Variants in SYTL5 observed in about 807,000 individuals in gnomAD.
SYTL5 encodes synaptotagmin like 5, also known as synaptotagmin-like protein 5.
Under a neutral mutation model 55.9 loss-of-function variants are expected in SYTL5, and 34 were observed. That is an observed-to-expected ratio of 0.61 (90% CI 0.46 to 0.81). SYTL5 has a LOEUF of 0.81. Ranked by LOEUF, SYTL5 falls within the 30% of genes least tolerant of loss-of-function variation. The probability of loss-of-function intolerance (pLI) is 0.00; values close to 1 mark genes in which losing one functional copy is unlikely to be tolerated. For missense variants in SYTL5, 637 were observed against 546.7 expected (o/e 1.17, Z -1.65); for synonymous variants, 221 against 188.7 (o/e 1.17, Z -1.40).
intron 3 of SYTL5, among the ~76,000 whole-genome samples, chrX:38,064,632 T>A: frequency 9.0e-6 from 1 of 111,618 alleles, no homozygotes; most frequent in Middle Eastern, 4.7e-3. Flanking sequence ...TTAATACAAT[T>A]ACATCAAATT....
chrX:38,094,499 T>G, intron 8 of SYTL5, 75 bp downstream of exon 8: 2 of 1,045,235 alleles, frequency 1.9e-6, no homozygotes, highest in Non-Finnish European at 2.6e-6. Context: ...ATGTGTGGTA[T>G]TAAGTGGATG....
At chrX:38,076,471 C>T in intron 5 of SYTL5, 96 bp from the exon 6 acceptor site, 1 of 780,694 alleles carries the variant, frequency 1.3e-6, no homozygotes, top group Non-Finnish European at 1.8e-6. Flanking sequence ...TTGAAGAATC[C>T]TTTATTATTA....
the SYTL5 span, among the ~76,000 whole-genome samples, chrX:37,998,383 G>T: frequency 8.9e-6 from 1 of 112,124 alleles, no homozygotes; most frequent in Admixed American, 9.4e-5. Flanking sequence ...TCCCTCTTTG[G>T]GGCTCTGTGG....
At chrX:37,907,886 A>AATTTTTT in the SYTL5 span, among the ~76,000 whole-genome samples, 4 of 111,651 alleles carry the variant, frequency 3.6e-5, no homozygotes, top group East Asian at 5.5e-4. Flanking sequence ...TTTAATATTT[A>AATTTTTT]ATTTTTTATT....
At chrX:38,076,213 T>G (rs1228505888) in intron 5 of SYTL5, among the ~76,000 whole-genome samples, 1 of 111,959 alleles carries the variant, frequency 8.9e-6, no homozygotes, top group Non-Finnish European at 1.9e-5. Context: ...CTTCCCTCTC[T>G]GAGCAAAGGG....
chrX:38,019,290 C>T (rs1934462120), intron 1 of SYTL5, among the ~76,000 whole-genome samples: 1 of 111,949 alleles, frequency 8.9e-6, no homozygotes, highest in African/African-American at 3.2e-5. Flanking sequence ...ATGCCAAATT[C>T]CTCCCACTCT....
the SYTL5 span, among the ~76,000 whole-genome samples, chrX:37,897,424 A>G: frequency 9.6e-6 from 1 of 104,686 alleles, no homozygotes; most frequent in Non-Finnish European, 1.9e-5. Flanking sequence ...CAGAGGTTGC[A>G]GTGAGCCGAG....
intron 15 of SYTL5, among the ~76,000 whole-genome samples, chrX:38,125,074 T>C (rs1937614149): frequency 9.0e-6 from 1 of 111,671 alleles, no homozygotes; most frequent in Non-Finnish European, 1.9e-5. Flanking sequence ...GGTATTTTCT[T>C]TTCAAGATGG....
intron 2 of SYTL5, among the ~76,000 whole-genome samples, chrX:38,049,953 T>C (rs2147281624): frequency 8.9e-6 from 1 of 111,835 alleles, no homozygotes; most frequent in African/African-American, 3.2e-5. Flanking sequence ...TAAATAATTG[T>C]CTTAAGGTCT....
chrX:38,121,967 C>T, intron 14 of SYTL5, 113 bp from the exon 15 acceptor site: 1 of 751,920 alleles, frequency 1.3e-6, no homozygotes, highest in Non-Finnish European at 1.8e-6. Context: ...AATTAGTCAG[C>T]AAATGAAATA....
chrX:38,082,368 A>C (rs1936554383), intron 6 of SYTL5, among the ~76,000 whole-genome samples: 1 of 112,427 alleles, frequency 8.9e-6, no homozygotes, highest in South Asian at 3.7e-4. Context: ...CAGGGTAGCT[A>C]AGATACAATA....
intron 1 of SYTL5, among the ~76,000 whole-genome samples, chrX:38,031,999 G>T (rs781106443): frequency 3.6e-5 from 4 of 111,740 alleles, no homozygotes; most frequent in South Asian, 3.7e-4. Flanking sequence ...GCAAAGTTCT[G>T]GTTTGGTGTA....
chrX:38,103,679 G>A (rs1937137627), intron 10 of SYTL5, among the ~76,000 whole-genome samples: 1 of 110,778 alleles, frequency 9.0e-6, no homozygotes, highest in South Asian at 3.9e-4. Flanking sequence ...TGAGTAGGTT[G>A]GGGTTTATTC....
At chrX:37,902,490 C>T in the SYTL5 span, among the ~76,000 whole-genome samples, 4 of 112,090 alleles carry the variant, frequency 3.6e-5, no homozygotes, top group East Asian at 8.4e-4. Context: ...AGTGATCTGC[C>T]TTAACTCTTA....
intron 3 of SYTL5, among the ~76,000 whole-genome samples, chrX:38,070,262 G>A: frequency 9.0e-6 from 1 of 111,564 alleles, no homozygotes; most frequent in Non-Finnish European, 1.9e-5. Context: ...TTGAGATCCA[G>A]CTATTGATTT....
chrX:38,024,074 T>C (rs1934666550), intron 1 of SYTL5: 1 of 111,265 alleles, frequency 9.0e-6, no homozygotes, highest in Admixed American at 9.6e-5. Flanking sequence ...TAACTTGGTT[T>C]AACTCTACAT....
chrX:37,905,926 C>T, the SYTL5 span, among the ~76,000 whole-genome samples: 173 of 113,028 alleles, frequency 1.5e-3, no homozygotes, highest in Non-Finnish European at 2.7e-3. Context: ...CCGCGTCTCT[C>T]GAGGCACTAG....
At chrX:37,974,825 G>C in the SYTL5 span, among the ~76,000 whole-genome samples, 1 of 112,395 alleles carries the variant, frequency 8.9e-6, no homozygotes. Context: ...TTCCACTGAA[G>C]GTGAAGGGCA....
intron 1 of SYTL5, among the ~76,000 whole-genome samples, chrX:38,020,252 T>C (rs1321935735): frequency 9.2e-6 from 1 of 109,072 alleles, no homozygotes; most frequent in Non-Finnish European, 1.9e-5. Context: ...CTGTATTTTT[T>C]TAACTGATTT....
Sources: gnomAD v4.1 joint callset for allele counts (sites outside exome capture counted in the v4.1 genomes callset) on GRCh38, gnomAD v4.1.1 for gene constraint, MANE v1.5 for transcripts, NCBI Gene and HGNC (gene_info 2026-07-23, HGNC 2026-07-21) for gene names.